Variants in AK4 observed in about 807,000 individuals in gnomAD.
AK4 encodes adenylate kinase 4, mitochondrial.
Under a neutral mutation model 24.6 loss-of-function variants are expected in AK4, and 13 were observed. The ratio of observed to expected loss-of-function variants is 0.53; its 90% CI spans 0.34 to 0.84. The LOEUF (loss-of-function observed/expected upper bound fraction) is 0.84. AK4 is among the 40% of genes least tolerant of loss of function. The pLI is 0.01. For synonymous variants in AK4, 88 were observed against 107.0 expected (o/e 0.82, Z 1.10); for missense variants, 192 against 288.2 (o/e 0.67, Z 2.42).
At chr1:65,157,508 G>C in intron 1 of AK4, among the ~76,000 whole-genome samples, 1 of 152,196 alleles carries the variant, frequency 6.6e-6, no homozygotes, top group East Asian at 1.9e-4. Context: ...ATTGGGCTGG[G>C]TGTGGTGGTT....
At chr1:65,220,928 C>T (rs535785533) in intron 3 of AK4, among the ~76,000 whole-genome samples, 2 of 152,102 alleles carry the variant, frequency 1.3e-5, no homozygotes, top group South Asian at 4.2e-4. Context: ...GGGCTGTATC[C>T]TGGGCTGGAA....
intron 1 of AK4, chr1:65,154,360 A>G (rs1334067582): frequency 5.6e-6 from 2 of 354,574 alleles, no homozygotes; most frequent in African/African-American, 2.1e-5. Context: ...GAATGTGTCT[A>G]ACCAATCTTT....
chr1:65,183,050 A>AT (rs1334089319), intron 1 of AK4, among the ~76,000 whole-genome samples: 1 of 152,160 alleles, frequency 6.6e-6, no homozygotes, highest in Non-Finnish European at 1.5e-5. Flanking sequence ...TGCTAGATTG[A>AT]TATAGGGCCT....
rs775374048 is a variant in AK4, at chr1:65,152,350, CTCTCTCTCTCTATA to C, written c.145+3800_145+3813del. Among the ~76,000 whole-genome samples the C allele has an allele frequency of 8.9e-3, 397 of 44,512 alleles. 1 individual carries two copies. Among genetic ancestry groups the C allele is most frequent in the African/African-American group, 0.028 (275 of 9,822 alleles). 29.2% of individuals were successfully genotyped at this position (44,512 alleles called of 152,430 possible). On this transcript the variant is annotated intron_variant, in intron 1 of 4. Coordinates refer to ENST00000327299, the MANE Select transcript of AK4 (RefSeq NM_013410.4). ...TCTCTCTCTCTCTCTCTCTCTCTCT[CTCTCTCTCTCTATA>C]TATATATATATATATATATATTTTT... is the stretch of plus-strand genomic sequence containing the variant.
intron 1 of AK4, among the ~76,000 whole-genome samples, chr1:65,159,092 T>G (rs1295451985): frequency 6.6e-6 from 1 of 152,012 alleles, no homozygotes; most frequent in Non-Finnish European, 1.5e-5. Flanking sequence ...TAATGCAGAG[T>G]CATTCTTGTT....
At chr1:65,224,699 T>C in intron 3 of AK4, 53 bp from the exon 4 acceptor site, 4 of 1,479,060 alleles carry the variant, frequency 2.7e-6, no homozygotes, top group Non-Finnish European at 3.8e-6. Flanking sequence ...GTTTTTAACC[T>C]ATGAAATGGC....
intron 2 of AK4, among the ~76,000 whole-genome samples, chr1:65,198,863 G>T (rs995715836): frequency 6.6e-6 from 1 of 151,786 alleles, no homozygotes. Context: ...GATCACTTGA[G>T]CCCAGGAGTT....
intron 1 of AK4, among the ~76,000 whole-genome samples, chr1:65,181,427 C>T (rs890575445): frequency 1.3e-5 from 2 of 149,804 alleles, no homozygotes; most frequent in Non-Finnish European, 3.0e-5. Context: ...GACAGAGTCT[C>T]GCTCTGTTGC....
At position 65,219,924 on chromosome 1, in the gene AK4, T is replaced by G. The variant is rs1652247325; in HGVS notation, c.438+998T>G. ...TCCTCCCTGATTTTCGCCAAACTTC[T>G]GAAAACTACAGATCTTTTTACTGTC... On this transcript the variant is annotated intron_variant, in intron 3 of 4. Coordinates refer to ENST00000327299, the MANE Select transcript of AK4 (RefSeq NM_013410.4). Among the ~76,000 whole-genome samples, 4 of 152,332 alleles carry G rather than the reference T, an allele frequency of 2.6e-5. No homozygotes were observed. The South Asian group carries it at 8.3e-4, about 32-fold the overall frequency.
chr1:65,160,138 C>G (rs1650112260), intron 1 of AK4, among the ~76,000 whole-genome samples: 1 of 152,162 alleles, frequency 6.6e-6, no homozygotes. Context: ...TCTGAGTACT[C>G]TAGAAACTAG....
intron 2 of AK4, among the ~76,000 whole-genome samples, chr1:65,207,864 G>A (rs1335298992): frequency 6.6e-6 from 1 of 152,020 alleles, no homozygotes; most frequent in Admixed American, 6.6e-5. Context: ...TTGCTACAAG[G>A]GACATGATCT....
At chr1:65,149,758 ACT>A (rs1305156278) in intron 1 of AK4, among the ~76,000 whole-genome samples, 7 of 151,784 alleles carry the variant, frequency 4.6e-5, no homozygotes, top group Non-Finnish European at 1.0e-4. Context: ...TTTACAGGAA[ACT>A]CTTCCCCCAC....
At chr1:65,190,120 C>G (rs1651243141) in intron 1 of AK4, among the ~76,000 whole-genome samples, 3 of 152,204 alleles carry the variant, frequency 2.0e-5, no homozygotes, top group African/African-American at 7.2e-5. Context: ...TGTGGCCTAC[C>G]TCTAGGAATT....
intron 1 of AK4, among the ~76,000 whole-genome samples, chr1:65,177,530 C>T (rs1453521322): frequency 2.0e-5 from 3 of 152,250 alleles, no homozygotes; most frequent in East Asian, 1.9e-4. Flanking sequence ...AGGTGACTTC[C>T]GCGTACCTAT....
chr1:65,226,465 G>C lies in AK4; in HGVS notation c.*288G>C, dbSNP rs1230797377. Reference sequence around the variant, plus strand: ...GGATTTCAAATGGTGTGTAACTTCAGCTCCAGCTGGTTTTTGACAGCTGTT... The same window carrying C: ...GGATTTCAAATGGTGTGTAACTTCACCTCCAGCTGGTTTTTGACAGCTGTT... On this transcript the variant is annotated 3_prime_UTR_variant, in exon 5 of 5. Transcript: ENST00000327299. 1 of 273,842 alleles carries C rather than the reference G, an allele frequency of 3.7e-6. No homozygotes were observed. Among genetic ancestry groups the C allele is most frequent in the Non-Finnish European group, 6.9e-6 (1 of 145,780 alleles). 17.0% of individuals were successfully genotyped at this position (273,842 alleles called of 1,614,324 possible).
chr1:65,171,273 T>G (rs1650512938), intron 1 of AK4, among the ~76,000 whole-genome samples: 1 of 146,874 alleles, frequency 6.8e-6, no homozygotes, highest in Non-Finnish European at 1.5e-5. Context: ...TTTTTGGATA[T>G]AGACTTATTC....
chr1:65,179,667 C>T (rs1391910351), intron 1 of AK4, among the ~76,000 whole-genome samples: 2 of 151,974 alleles, frequency 1.3e-5, no homozygotes, highest in African/African-American at 4.8e-5. Flanking sequence ...GATGAGACCC[C>T]CATCTCTACA....
chr1:65,226,213 T>C lies in AK4; in HGVS notation c.*36T>C, dbSNP rs1652457331. ...TGGAAGAACCAGGAAGATGTGGTCA[T>C]TCATTCAATAGTGTGTGTAGTATTG... On this transcript the variant is annotated 3_prime_UTR_variant, in exon 5 of 5. Coordinates refer to ENST00000327299, the MANE Select transcript of AK4 (RefSeq NM_013410.4). 2 of 1,529,286 alleles carry C rather than the reference T, an allele frequency of 1.3e-6. No homozygotes were observed. Among genetic ancestry groups the C allele is most frequent in the South Asian group, 1.2e-5 (1 of 82,890 alleles). 94.7% of individuals were successfully genotyped at this position (1,529,286 alleles called of 1,614,324 possible).
chr1:65,200,404 C>T (rs781402271), intron 2 of AK4, among the ~76,000 whole-genome samples: 10 of 152,142 alleles, frequency 6.6e-5, no homozygotes, highest in East Asian at 3.9e-4. Flanking sequence ...CGTGAGCCAC[C>T]GTGCCCGGTC....
Sources: gnomAD v4.1 joint callset for allele counts (sites outside exome capture counted in the v4.1 genomes callset) on GRCh38, gnomAD v4.1.1 for gene constraint, MANE v1.5 for transcripts, NCBI Gene and HGNC (gene_info 2026-07-23, HGNC 2026-07-21) for gene names.